The following HERPUD2 variants were observed in gnomAD, a reference collection of about 807,000 sequenced individuals.
The protein encoded by HERPUD2 is HERPUD family member 2, also known as homocysteine-responsive endoplasmic reticulum-resident ubiquitin-like domain member 2 protein.
In HERPUD2, 13 loss-of-function variants were observed where a neutral mutation model predicts 49.9. The observed-to-expected ratio is 0.26, with a 90% CI of 0.17 to 0.41. The LOEUF is 0.41. Ranked by LOEUF, HERPUD2 falls within the 10% of genes least tolerant of loss-of-function variation. The pLI, the probability that HERPUD2 is intolerant of heterozygous loss-of-function variation, is 1.00. For synonymous variants in HERPUD2, 172 were observed against 171.4 expected, an observed-to-expected ratio of 1.00 and a Z score of -0.03; for missense variants, 449 against 492.2, an observed-to-expected ratio of 0.91 and a Z score of 0.83.
At chr7:35,670,767 ATT>A (rs967330629) in intron 3 of HERPUD2, among the ~76,000 whole-genome samples, 1 of 151,938 alleles carries the variant, frequency 6.6e-6, no homozygotes, top group Non-Finnish European at 1.5e-5. Context: ...TAGCAAGGTG[ATT>A]TTTTTTACTC....
At chr7:35,656,904 T>C (rs908764695) in intron 5 of HERPUD2, among the ~76,000 whole-genome samples, 3 of 151,070 alleles carry the variant, frequency 2.0e-5, no homozygotes, top group African/African-American at 7.3e-5. Flanking sequence ...ACCTGAAATA[T>C]AAAACTACTA....
intron 5 of HERPUD2, among the ~76,000 whole-genome samples, chr7:35,659,425 A>G (rs1186677494): frequency 3.3e-5 from 5 of 152,258 alleles, no homozygotes; most frequent in African/African-American, 1.2e-4. Context: ...AGAGATGCTT[A>G]TAAATGTTTG....
intron 2 of HERPUD2, among the ~76,000 whole-genome samples, chr7:35,676,414 G>A (rs1785762859): frequency 6.6e-6 from 1 of 152,180 alleles, no homozygotes; most frequent in African/African-American, 2.4e-5. Context: ...ACCAGTAGGA[G>A]TCCCTACAAG....
chr7:35,643,696 A>T (rs1785003741), intron 5 of HERPUD2, among the ~76,000 whole-genome samples: 1 of 151,668 alleles, frequency 6.6e-6, no homozygotes, highest in Non-Finnish European at 1.5e-5. Flanking sequence ...ATAAATTATT[A>T]TGGAAAGGAA....
intron 5 of HERPUD2, among the ~76,000 whole-genome samples, chr7:35,653,918 T>G (rs1785221542): frequency 6.6e-6 from 1 of 152,154 alleles, no homozygotes; most frequent in Non-Finnish European, 1.5e-5. Context: ...AAGGACTGTT[T>G]CAGCCCAGGA....
At chr7:35,692,518 G>A (rs932893244) in intron 2 of HERPUD2, among the ~76,000 whole-genome samples, 6 of 152,112 alleles carry the variant, frequency 3.9e-5, no homozygotes, top group African/African-American at 1.4e-4. Context: ...ATATGCAACA[G>A]GAAATCTTTT....
intron 2 of HERPUD2, among the ~76,000 whole-genome samples, chr7:35,683,674 A>G (rs962713872): frequency 6.6e-6 from 1 of 152,242 alleles, no homozygotes; most frequent in African/African-American, 2.4e-5. Context: ...TCATCTAACA[A>G]AGGACTAATA....
intron 2 of HERPUD2, among the ~76,000 whole-genome samples, chr7:35,675,497 C>CT (rs1277290002): frequency 6.6e-6 from 1 of 152,098 alleles, no homozygotes; most frequent in East Asian, 1.9e-4. Context: ...TAAACTATCA[C>CT]TTTTTTACCA....
At chr7:35,673,093 G>A in intron 3 of HERPUD2, 108 bp downstream of exon 3, 1 of 729,890 alleles carries the variant, frequency 1.4e-6, no homozygotes, top group Non-Finnish European at 2.3e-6. Flanking sequence ...CACGCAAAGG[G>A]ATTGATTTTA....
intron 2 of HERPUD2, among the ~76,000 whole-genome samples, chr7:35,673,731 C>T (rs78570940): frequency 0.096 from 14,573 of 152,148 alleles, 1,055 homozygotes; most frequent in South Asian, 0.21. Flanking sequence ...AGATAATATA[C>T]AAGACTTACT....
At chr7:35,651,947 T>C (rs1421769922) in intron 5 of HERPUD2, among the ~76,000 whole-genome samples, 3 of 152,164 alleles carry the variant, frequency 2.0e-5, no homozygotes, top group Non-Finnish European at 4.4e-5. Context: ...AAACTTCTTA[T>C]CTGAGCAATT....
At position 35,694,535 on chromosome 7, in the gene HERPUD2, G is replaced by T; in HGVS notation, c.-205C>A. 1.7e-6 allele frequency: 1 copy of T among 591,624 alleles called. No homozygotes were observed. Among genetic ancestry groups the T allele is most frequent in the Non-Finnish European group, 3.0e-6 (1 of 335,936 alleles). 36.6% of individuals were successfully genotyped at this position (591,624 alleles called of 1,614,324 possible). On this transcript the variant is annotated 5_prime_UTR_variant, in exon 2 of 9. Transcript: ENST00000311350. ...AGGTGGTGGCGACTGCGACGGTGGG[G>T]TCTGGGTGCCCGGCCGTGGAGGCAG...
intron 6 of HERPUD2, 101 bp downstream of exon 6, chr7:35,638,249 A>G: frequency 1.7e-6 from 2 of 1,184,982 alleles, no homozygotes; most frequent in Non-Finnish European, 2.3e-6. Flanking sequence ...AACATTAAAT[A>G]CATAAACAAA....
chr7:35,659,280 T>G (rs1785357195), intron 5 of HERPUD2, among the ~76,000 whole-genome samples: 1 of 152,204 alleles, frequency 6.6e-6, no homozygotes, highest in South Asian at 2.1e-4. Flanking sequence ...TGTTCATTGT[T>G]GAACTGAATA....
chr7:35,677,699 A>G (rs1785796164), intron 2 of HERPUD2, among the ~76,000 whole-genome samples: 1 of 152,324 alleles, frequency 6.6e-6, no homozygotes, highest in East Asian at 1.9e-4. Context: ...GTTTTCTTCA[A>G]GAGAGAAATA....
At chr7:35,682,262 TATATATA>T (rs1785911819) in intron 2 of HERPUD2, among the ~76,000 whole-genome samples, 3 of 84,168 alleles carry the variant, frequency 3.6e-5, no homozygotes, top group Non-Finnish European at 6.9e-5. Flanking sequence ...TGTGTGTGTG[TATATATA>T]GATATATACA....
intron 5 of HERPUD2, among the ~76,000 whole-genome samples, chr7:35,644,083 A>G (rs1466983416): frequency 1.3e-5 from 2 of 152,174 alleles, no homozygotes; most frequent in Admixed American, 6.5e-5. Flanking sequence ...ATGCTAATTC[A>G]TTAGGGACTA....
chr7:35,654,970 T>TCA (rs1785243526), intron 5 of HERPUD2, among the ~76,000 whole-genome samples: 1 of 152,190 alleles, frequency 6.6e-6, no homozygotes, highest in Admixed American at 6.5e-5. Flanking sequence ...TGCTCCTGCC[T>TCA]CAGCCTCCAG....
intron 2 of HERPUD2, among the ~76,000 whole-genome samples, chr7:35,675,021 C>T (rs1785730041): frequency 6.6e-6 from 1 of 152,126 alleles, no homozygotes; most frequent in Non-Finnish European, 1.5e-5. Context: ...CACGGGAACC[C>T]CAATTTATAA....
Sources: gnomAD v4.1 joint callset for allele counts (sites outside exome capture counted in the v4.1 genomes callset) on GRCh38, gnomAD v4.1.1 for gene constraint, MANE v1.5 for transcripts, NCBI Gene and HGNC (gene_info 2026-07-23, HGNC 2026-07-21) for gene names.